Variants in CXADR observed in about 807,000 individuals in gnomAD.
CXADR encodes CXADR cell adhesion molecule, also known as coxsackievirus and adenovirus receptor.
A neutral mutation model predicts 40.3 loss-of-function variants in CXADR; 20 were observed. That is an observed-to-expected ratio of 0.50 (90% CI 0.35 to 0.72). CXADR has a LOEUF of 0.72. CXADR is among the 30% of genes least tolerant of loss of function. CXADR has a pLI of 0.01. For synonymous variants in CXADR, 150 were observed against 161.3 expected (o/e 0.93, Z 0.53); for missense variants, 332 against 449.1 (o/e 0.74, Z 2.36).
downstream of CXADR, among the ~76,000 whole-genome samples, chr21:17,595,410 A>T (rs2061491935): frequency 6.6e-6 from 1 of 151,972 alleles, no homozygotes; most frequent in Non-Finnish European, 1.5e-5. Context: ...CTCACCCTTT[A>T]TCTTCTTTAT....
chr21:17,570,924 C>A (rs1419666417), downstream of CXADR, among the ~76,000 whole-genome samples: 1 of 152,154 alleles, frequency 6.6e-6, no homozygotes, highest in Non-Finnish European at 1.5e-5. Context: ...CTGGATAATT[C>A]TTTGTCGTAG....
chr21:17,528,442 G>A (rs1421565382), intron 1 of CXADR, among the ~76,000 whole-genome samples: 14 of 151,074 alleles, frequency 9.3e-5, no homozygotes, highest in Non-Finnish European at 5.9e-5. Context: ...AGTTTCGCTC[G>A]TTACCCAGGC....
At chr21:17,529,578 C>T (rs2060643864) in intron 1 of CXADR, among the ~76,000 whole-genome samples, 1 of 152,144 alleles carries the variant, frequency 6.6e-6, no homozygotes, top group South Asian at 2.1e-4. Flanking sequence ...ACCTTGGTCT[C>T]CCAAAGTGCT....
chr21:17,519,788 G>A (rs2060506213), intron 1 of CXADR, among the ~76,000 whole-genome samples: 1 of 151,992 alleles, frequency 6.6e-6, no homozygotes, highest in African/African-American at 2.4e-5. Context: ...GTGAAACCCT[G>A]TCTGTACTAA....
At chr21:17,593,055 G>A in intron 7 of CXADR, 1 of 1,035,844 alleles carries the variant, frequency 9.7e-7, no homozygotes, top group Non-Finnish European at 1.3e-6. Flanking sequence ...AAAGATGAAG[G>A]TGATGGAAAA....
chr21:17,613,774 A>G, the CXADR span: 1 of 152,354 alleles, frequency 6.6e-6, no homozygotes, highest in Non-Finnish European at 1.5e-5. Flanking sequence ...ATATTGAGTT[A>G]ACACCATGGT....
chr21:17,575,719 TC>T (rs2061317351), intron 7 of CXADR, among the ~76,000 whole-genome samples: 1 of 151,148 alleles, frequency 6.6e-6, no homozygotes, highest in Admixed American at 6.6e-5. Context: ...GGTCTTGATC[TC>T]CTGACCTCGT....
chr21:17,513,562 G>A (rs559319948), intron 1 of CXADR, among the ~76,000 whole-genome samples: 1 of 152,338 alleles, frequency 6.6e-6, no homozygotes, highest in Admixed American at 6.5e-5. Flanking sequence ...AGCGTTACCC[G>A]ATTTCAAAAA....
At chr21:17,631,919 G>A in the CXADR span, among the ~76,000 whole-genome samples, 2,428 of 152,170 alleles carry the variant, frequency 0.016, 63 homozygotes, top group African/African-American at 0.055. Flanking sequence ...TCAATAGATC[G>A]TTCCACCTCA....
At chr21:17,579,290 CTT>C (rs60312076) in intron 7 of CXADR, among the ~76,000 whole-genome samples, 2 of 108,300 alleles carry the variant, frequency 1.8e-5, no homozygotes, top group African/African-American at 3.6e-5. Flanking sequence ...CTTCTCTTTT[CTT>C]TTTTTTTTTT....
At chr21:17,547,312 C>T in intron 2 of CXADR, 119 bp downstream of exon 2, 1 of 1,418,060 alleles carries the variant, frequency 7.1e-7, no homozygotes. Flanking sequence ...CCCCCAACTT[C>T]TCAGGCTTTA....
chr21:17,525,148 A>G (rs2060583600), intron 1 of CXADR, among the ~76,000 whole-genome samples: 2 of 152,228 alleles, frequency 1.3e-5, no homozygotes, highest in South Asian at 4.1e-4. Flanking sequence ...AAGGATTAAC[A>G]ATTAAATTAA....
intron 7 of CXADR, among the ~76,000 whole-genome samples, chr21:17,576,048 A>G (rs1283301061): frequency 6.8e-6 from 1 of 146,324 alleles, no homozygotes; most frequent in Non-Finnish European, 1.5e-5. Context: ...AGATCACGCC[A>G]CTGCACTCCA....
chr21:17,555,088 A>G (rs2061017030), intron 3 of CXADR, among the ~76,000 whole-genome samples: 2 of 152,226 alleles, frequency 1.3e-5, no homozygotes, highest in African/African-American at 4.8e-5. Flanking sequence ...GTGGGAAATG[A>G]TAACAAAGAG....
At chr21:17,562,994 A>G (rs539143241) in intron 6 of CXADR, among the ~76,000 whole-genome samples, 2 of 152,234 alleles carry the variant, frequency 1.3e-5, no homozygotes, top group Non-Finnish European at 2.9e-5. Context: ...CATATCAGCA[A>G]TAAGACTGCT....
chr21:17,592,099 C>G (rs921031247), intron 7 of CXADR, among the ~76,000 whole-genome samples: 5 of 151,958 alleles, frequency 3.3e-5, no homozygotes, highest in African/African-American at 9.7e-5. Flanking sequence ...GAGGCCCTGT[C>G]ATTTAATCGT....
At chr21:17,600,008 G>C in the CXADR span, among the ~76,000 whole-genome samples, 6 of 152,098 alleles carry the variant, frequency 3.9e-5, no homozygotes, top group African/African-American at 1.4e-4. Flanking sequence ...AGTTTCCTAG[G>C]ATAACTACTC....
intron 6 of CXADR, among the ~76,000 whole-genome samples, chr21:17,564,073 G>A (rs2123323891): frequency 6.6e-6 from 1 of 151,474 alleles, no homozygotes; most frequent in Non-Finnish European, 1.5e-5. Context: ...TAAAAGCAAG[G>A]CACAATGAAA....
At chr21:17,559,667 GGGTTTTTTTTTTTTTTTT>G (rs2061084392) in intron 4 of CXADR, among the ~76,000 whole-genome samples, 1 of 16,530 alleles carries the variant, frequency 6.0e-5, no homozygotes, top group African/African-American at 1.7e-4. Context: ...ACTTTTTTTT[GGGTTTTTTTTTTTTTTTT>G]TTTTTTCCGA....
Sources: allele counts gnomAD v4.1 joint callset (sites outside exome capture counted in the v4.1 genomes callset), GRCh38; gene constraint gnomAD v4.1.1; transcripts MANE v1.5; gene names NCBI Gene and HGNC (gene_info 2026-07-23, HGNC 2026-07-21).